The following DCDC1 variants were observed in gnomAD, a reference collection of about 807,000 sequenced individuals.
The protein encoded by DCDC1 is doublecortin domain containing 1.
DCDC1 carries 200 observed loss-of-function variants against 178.3 expected under a neutral mutation model. The observed-to-expected ratio is 1.12, with a 90% CI of 1.00 to 1.26. DCDC1 has a LOEUF of 1.26. DCDC1 is among the 50% of genes most tolerant of loss of function. The pLI is 0.00. For synonymous variants in DCDC1, 690 were observed against 604.8 expected (o/e 1.14, Z -2.07); for missense variants, 1,983 against 1,749.2 (o/e 1.13, Z -2.38).
At chr11:31,331,268 A>G (rs1949970318) in intron 2 of DCDC1, among the ~76,000 whole-genome samples, 1 of 152,214 alleles carries the variant, frequency 6.6e-6, no homozygotes, top group Non-Finnish European at 1.5e-5. Flanking sequence ...TTATCAGCTT[A>G]AGGAGATTTT....
At chr11:31,286,523 T>C (rs567545266) in intron 7 of DCDC1, among the ~76,000 whole-genome samples, 1 of 152,082 alleles carries the variant, frequency 6.6e-6, no homozygotes, top group East Asian at 1.9e-4. Flanking sequence ...TCAATAATTA[T>C]GAATCAATTA....
chr11:31,085,936 C>T (rs1386871596), intron 17 of DCDC1, among the ~76,000 whole-genome samples: 3 of 151,984 alleles, frequency 2.0e-5, no homozygotes, highest in African/African-American at 7.2e-5. Flanking sequence ...CTATGTTGCC[C>T]AGGCTGGTCT....
At chr11:31,184,093 A>G (rs1408088201) in intron 9 of DCDC1, among the ~76,000 whole-genome samples, 1 of 152,226 alleles carries the variant, frequency 6.6e-6, no homozygotes, top group Non-Finnish European at 1.5e-5. Context: ...ACAGATATAC[A>G]GACCAATGGA....
intron 38 of DCDC1, among the ~76,000 whole-genome samples, chr11:30,867,565 G>T (rs1052940000): frequency 1.3e-5 from 2 of 152,168 alleles, no homozygotes; most frequent in Admixed American, 1.3e-4. Context: ...TCCCAAGACT[G>T]CAGGAAGGTA....
intron 20 of DCDC1, among the ~76,000 whole-genome samples, chr11:31,048,789 G>T (rs1268540766): frequency 6.6e-6 from 1 of 152,124 alleles, no homozygotes; most frequent in Non-Finnish European, 1.5e-5. Context: ...CCCGGGAGGC[G>T]GGGCTTGCAG....
At chr11:31,365,525 T>G (rs1362437176) in intron 1 of DCDC1, among the ~76,000 whole-genome samples, 1 of 152,172 alleles carries the variant, frequency 6.6e-6, no homozygotes, top group Non-Finnish European at 1.5e-5. Flanking sequence ...TATACATCTA[T>G]ATAATATAGA....
At chr11:30,867,965 C>T (rs1157841702) in intron 38 of DCDC1, among the ~76,000 whole-genome samples, 1 of 152,136 alleles carries the variant, frequency 6.6e-6, no homozygotes, top group Non-Finnish European at 1.5e-5. Context: ...GTTGGATGAT[C>T]TCATGAGTCC....
At chr11:31,183,734 C>G (rs182679479) in intron 9 of DCDC1, among the ~76,000 whole-genome samples, 1 of 152,218 alleles carries the variant, frequency 6.6e-6, no homozygotes, top group East Asian at 1.9e-4. Flanking sequence ...TATGAAGGAC[C>G]TCTTCAAGGA....
intron 4 of DCDC1, among the ~76,000 whole-genome samples, chr11:31,307,017 A>G (rs569089778): frequency 6.6e-6 from 1 of 152,308 alleles, no homozygotes; most frequent in Non-Finnish European, 1.5e-5. Flanking sequence ...TAAACTGACT[A>G]ACGTCAAATT....
chr11:31,363,894 A>G (rs551071877), intron 1 of DCDC1, among the ~76,000 whole-genome samples: 1 of 152,314 alleles, frequency 6.6e-6, no homozygotes, highest in Admixed American at 6.5e-5. Context: ...CAATTTTTTG[A>G]CTTTACATGG....
At chr11:30,963,109 G>A (rs1050944259) in intron 20 of DCDC1, among the ~76,000 whole-genome samples, 1 of 152,042 alleles carries the variant, frequency 6.6e-6, no homozygotes, top group African/African-American at 2.4e-5. Context: ...TTAAATGAAA[G>A]CAAGATAAAT....
At chr11:30,884,361 T>C (rs1942979460) in intron 36 of DCDC1, among the ~76,000 whole-genome samples, 1 of 152,134 alleles carries the variant, frequency 6.6e-6, no homozygotes, top group Non-Finnish European at 1.5e-5. Flanking sequence ...AGATAAAAGA[T>C]GTTTTCCTCT....
At chr11:31,054,214 C>T (rs1955439914) in intron 20 of DCDC1, among the ~76,000 whole-genome samples, 1 of 151,042 alleles carries the variant, frequency 6.6e-6, no homozygotes, top group South Asian at 2.1e-4. Context: ...GAATTCAACC[C>T]CTTTTACAAT....
chr11:31,360,280 T>C (rs921154102), intron 1 of DCDC1, among the ~76,000 whole-genome samples: 34 of 152,128 alleles, frequency 2.2e-4, no homozygotes, highest in Admixed American at 9.2e-4. Context: ...CTGTTCTCTG[T>C]CATAGGAAAA....
intron 38 of DCDC1, among the ~76,000 whole-genome samples, chr11:30,866,989 C>A (rs1194627254): frequency 1.3e-5 from 2 of 152,134 alleles, no homozygotes; most frequent in African/African-American, 4.8e-5. Context: ...CACCATACAC[C>A]AGTGCCTTGA....
intron 17 of DCDC1, among the ~76,000 whole-genome samples, chr11:31,081,522 A>G (rs374603728): frequency 1.3e-5 from 2 of 152,154 alleles, no homozygotes; most frequent in African/African-American, 4.8e-5. Flanking sequence ...AGACAGGAGA[A>G]TCGCTTGAAC....
intron 23 of DCDC1, 137 bp downstream of exon 23, chr11:30,925,172 G>T: frequency 2.7e-6 from 2 of 734,832 alleles, no homozygotes; most frequent in Non-Finnish European, 4.4e-6. Context: ...ACTTTCTGAT[G>T]TTTGCTCAGT....
chr11:31,022,080 A>T (rs1196227196), intron 20 of DCDC1, among the ~76,000 whole-genome samples: 1 of 152,086 alleles, frequency 6.6e-6, no homozygotes, highest in Non-Finnish European at 1.5e-5. Flanking sequence ...CCCTAATACC[A>T]CATTTTCATT....
intron 7 of DCDC1, among the ~76,000 whole-genome samples, chr11:31,269,341 C>T (rs1392693267): frequency 6.6e-6 from 1 of 152,040 alleles, no homozygotes; most frequent in East Asian, 1.9e-4. Flanking sequence ...ACCTGTTAAG[C>T]TTGTTAAAAT....
Sources: allele counts gnomAD v4.1 joint callset (sites outside exome capture counted in the v4.1 genomes callset), GRCh38; gene constraint gnomAD v4.1.1; transcripts MANE v1.5; gene names NCBI Gene and HGNC (gene_info 2026-07-23, HGNC 2026-07-21).